MID1: variants seen among roughly 807,000 people sequenced by gnomAD.
MID1 encodes the protein E3 ubiquitin-protein ligase Midline-1.
Under a neutral mutation model 40.4 loss-of-function variants are expected in MID1, and 7 were observed. The observed-to-expected ratio is 0.17, with a 90% CI of 0.10 to 0.33. The LOEUF is 0.33. Ranked by LOEUF, MID1 falls within the 10% of genes least tolerant of loss-of-function variation. The probability of loss-of-function intolerance (pLI) is 1.00; values close to 1 mark genes in which losing one functional copy is unlikely to be tolerated. For missense variants in MID1, 367 were observed against 558.5 expected, an observed-to-expected ratio of 0.66 and a Z score of 3.46; for synonymous variants, 229 against 221.2, an observed-to-expected ratio of 1.04 and a Z score of -0.31.
intron 5 of MID1, chrX:10,474,980 C>T (rs1282894913): frequency 8.9e-6 from 4 of 449,555 alleles, no homozygotes; most frequent in Non-Finnish European, 1.6e-5. Flanking sequence ...TTGCCCTCTT[C>T]CTTTTTACTA....
chrX:10,769,177 T>G (rs2043749229), intron 1 of MID1, among the ~76,000 whole-genome samples: 1 of 111,778 alleles, frequency 8.9e-6, no homozygotes, highest in Admixed American at 9.5e-5. Flanking sequence ...TAACCCATGA[T>G]GGCACTTTAT....
intron 2 of MID1, among the ~76,000 whole-genome samples, chrX:10,531,581 C>T (rs1932974657): frequency 8.9e-6 from 1 of 112,169 alleles, no homozygotes; most frequent in African/African-American, 3.2e-5. Flanking sequence ...TATATTAACA[C>T]CACAGAATCT....
At chrX:10,748,882 T>C (rs1220587011) in intron 1 of MID1, among the ~76,000 whole-genome samples, 1 of 111,304 alleles carries the variant, frequency 9.0e-6, no homozygotes, top group Non-Finnish European at 1.9e-5. Context: ...ACACAAATGC[T>C]GTCATAAGGC....
chrX:10,500,182 T>C (rs766811981), intron 3 of MID1, among the ~76,000 whole-genome samples: 1 of 112,107 alleles, frequency 8.9e-6, no homozygotes, highest in East Asian at 2.8e-4. Context: ...CATTGTAATA[T>C]GGGGCTCAAT....
intron 1 of MID1, among the ~76,000 whole-genome samples, chrX:10,750,017 C>T (rs2043587099): frequency 9.0e-6 from 1 of 111,543 alleles, no homozygotes; most frequent in African/African-American, 3.3e-5. Flanking sequence ...CCACTGGTTC[C>T]CAAAGCAGTT....
At chrX:10,752,512 A>G (rs73482991) in intron 1 of MID1, among the ~76,000 whole-genome samples, 11,634 of 111,603 alleles carry the variant, frequency 0.1, 1,477 homozygotes, top group African/African-American at 0.36. Context: ...ATGAGAAAAT[A>G]CAGGGCCATC....
At chrX:10,798,616 C>T (rs1349893336) in intron 1 of MID1, among the ~76,000 whole-genome samples, 1 of 111,728 alleles carries the variant, frequency 9.0e-6, no homozygotes, top group Non-Finnish European at 1.9e-5. Flanking sequence ...AAGTCACTAG[C>T]CAGCTGTGTG....
intron 1 of MID1, among the ~76,000 whole-genome samples, chrX:10,804,848 T>C (rs1264366110): frequency 9.0e-6 from 1 of 111,562 alleles, no homozygotes; most frequent in South Asian, 3.7e-4. Context: ...TACTGATTCT[T>C]TCTTTTGTAA....
chrX:10,496,855 T>C (rs149265290), intron 3 of MID1, among the ~76,000 whole-genome samples: 7,771 of 112,046 alleles, frequency 0.069, 556 homozygotes, highest in African/African-American at 0.21. Flanking sequence ...ACTCAAGACA[T>C]CTTATTGAGA....
At chrX:10,714,926 T>C (rs1161038850) in intron 1 of MID1, among the ~76,000 whole-genome samples, 2 of 112,307 alleles carry the variant, frequency 1.8e-5, no homozygotes, top group East Asian at 5.5e-4. Flanking sequence ...TTTCAAAAAG[T>C]GTTTATTGTT....
chrX:10,827,687 G>A (rs1351995178), intron 1 of MID1, among the ~76,000 whole-genome samples: 1 of 110,984 alleles, frequency 9.0e-6, no homozygotes, highest in Admixed American at 9.6e-5. Flanking sequence ...GGTTATGAAT[G>A]GACAACTGCA....
rs1032444390 is a variant in MID1 at position 10,598,988 on chromosome X, C to T, written c.-57+21302G>A. On this transcript the variant is annotated intron_variant, in intron 1 of 9. Coordinates refer to ENST00000317552, the MANE Select transcript of MID1 (RefSeq NM_000381.4). Reference sequence around the variant, plus strand: ...CTTCCCTTCTCTATGACCATCCTGACGGGGGGGATCCTGGCAATGTCTGTC... The same window carrying T: ...CTTCCCTTCTCTATGACCATCCTGATGGGGGGGATCCTGGCAATGTCTGTC... Among the ~76,000 whole-genome samples the T allele has an allele frequency of 2.7e-4, 30 of 111,708 alleles. 1 individual carries two copies. The highest frequency in any genetic ancestry group is 2.4e-3 in the Admixed American group (25 of 10,569).
intron 9 of MID1, among the ~76,000 whole-genome samples, chrX:10,450,543 T>A (rs1928270053): frequency 8.9e-6 from 1 of 112,582 alleles, no homozygotes; most frequent in Non-Finnish European, 1.9e-5. Context: ...ATGGCACATA[T>A]TAACAATAAG....
At chrX:10,601,838 G>T (rs776234379) in intron 1 of MID1, among the ~76,000 whole-genome samples, 1 of 110,861 alleles carries the variant, frequency 9.0e-6, no homozygotes, top group African/African-American at 3.3e-5. Flanking sequence ...AGGGTTGTGG[G>T]AATATTCTGC....
chrX:10,533,877 G>A (rs1170016334), intron 2 of MID1, among the ~76,000 whole-genome samples: 1 of 111,525 alleles, frequency 9.0e-6, no homozygotes, highest in African/African-American at 3.3e-5. Flanking sequence ...AGTAAGGAAG[G>A]CACAGCATGA....
At chrX:10,539,809 G>A (rs989533018) in intron 2 of MID1, among the ~76,000 whole-genome samples, 2 of 112,475 alleles carry the variant, frequency 1.8e-5, no homozygotes, top group African/African-American at 6.4e-5. Context: ...CAGTGGTGTG[G>A]TTACAGTTCA....
At chrX:10,809,342 A>G (rs1404901392) in intron 1 of MID1, among the ~76,000 whole-genome samples, 9 of 111,985 alleles carry the variant, frequency 8.0e-5, no homozygotes, top group Non-Finnish European at 1.5e-4. Context: ...ACTGTAAACT[A>G]GTTCAACCAT....
intron 3 of MID1, 65 bp downstream of exon 3, chrX:10,523,027 T>C (rs1932766148): frequency 1.3e-6 from 1 of 771,195 alleles, no homozygotes; most frequent in African/African-American, 2.1e-5. Context: ...AGCATGAGGA[T>C]ATCAAAACCT....
chrX:10,565,431 G>A, intron 2 of MID1: 1 of 331,257 alleles, frequency 3.0e-6, no homozygotes, highest in Non-Finnish European at 5.9e-6. Flanking sequence ...AATAAACTAT[G>A]TGGTCCCAGT....
Sources: gnomAD v4.1 joint callset for allele counts (sites outside exome capture counted in the v4.1 genomes callset) on GRCh38, gnomAD v4.1.1 for gene constraint, MANE v1.5 for transcripts, NCBI Gene and HGNC (gene_info 2026-07-23, HGNC 2026-07-21) for gene names.